Variants in LAMA3 observed in about 807,000 individuals in gnomAD.
The protein encoded by LAMA3 is laminin subunit alpha 3, also known as laminin subunit alpha-3.
Under a neutral mutation model 402.0 loss-of-function variants are expected in LAMA3, and 281 were observed. The ratio of observed to expected loss-of-function variants is 0.70; its 90% confidence interval spans 0.63 to 0.77. The LOEUF (loss-of-function observed/expected upper bound fraction) is 0.77, where lower values mean the gene tolerates loss of function less well. Among genes scored for constraint, LAMA3 ranks in the 30% least tolerant of loss-of-function variants. The probability of loss-of-function intolerance (pLI) is 0.00; values close to 1 mark genes in which losing one functional copy is unlikely to be tolerated. For missense variants in LAMA3, 3,840 were observed against 4,215.5 expected (o/e 0.91, Z 2.47); for synonymous variants, 1,431 against 1,558.4 (o/e 0.92, Z 1.93).
At chr18:23,882,073 A>G (rs745352241) in intron 40 of LAMA3, 28 bp downstream of exon 40, 2 of 1,518,478 alleles carry the variant, frequency 1.3e-6, no homozygotes, top group Middle Eastern at 1.7e-4. Context: ...CATAACCTAC[A>G]GGGACCCAAA....
intron 5 of LAMA3, among the ~76,000 whole-genome samples, chr18:23,753,412 A>G (rs558518172): frequency 3.0e-4 from 46 of 152,394 alleles, no homozygotes; most frequent in African/African-American, 9.9e-4. Flanking sequence ...TTTAATTTAC[A>G]TAAAAAATAA....
intron 44 of LAMA3, among the ~76,000 whole-genome samples, chr18:23,896,418 C>T (rs1291896559): frequency 6.6e-6 from 1 of 152,186 alleles, no homozygotes; most frequent in African/African-American, 2.4e-5. Flanking sequence ...TTCCAGATAA[C>T]TTTGTGTTAC....
At position 23,826,809 on chromosome 18, in the gene LAMA3, G is replaced by A. The variant is rs1327555227; in HGVS notation, c.2669+10G>A. 3 of 1,533,664 alleles carry A rather than the reference G, an allele frequency of 2.0e-6. No individual in the cohort carries two copies. The highest frequency in any genetic ancestry group is 8.9e-7 in the Non-Finnish European group (1 of 1,128,544). ...GACCTCCCCAAGAAAAGTCAGTGTG[G>A]GGCAGAAGGTGCAGCCGCATCATTG... On this transcript the variant is annotated intron_variant, in intron 22 of 74. Coordinates refer to ENST00000313654, the MANE Select transcript of LAMA3 (RefSeq NM_198129.4).
Position 23,842,436 on chromosome 18 carries a change from A to G in LAMA3, c.3378A>G (p.Arg1126=), listed in dbSNP as rs893373978. 1 of 1,613,868 alleles carries G rather than the reference A, an allele frequency of 6.2e-7. No individual in the cohort carries two copies. The highest frequency in any genetic ancestry group is 1.3e-5 in the African/African-American group (1 of 74,834). The part of the protein sequence containing the change: ...TLRGRVPHLG[R]YVFVIHFYQA... ...GAGGACGTGTACCACACCTGGGCCGATACGTCTTTGTCATCCATTTTTACC... is the reference window on the plus strand; with the variant it reads ...GAGGACGTGTACCACACCTGGGCCGGTACGTCTTTGTCATCCATTTTTACC... Residue 1126 remains arginine (R), a synonymous_variant, in exon 28 of 75, where the codon CGA becomes CGG. Transcript: ENST00000313654.
In LAMA3 at chr18:23,857,348, G is replaced by T. The variant is rs556363846; in HGVS notation, c.4137-496G>T. ...CATCTGCCCCAGCAGCACCATGCTT[G>T]TGTTGTTCCCTGTACACACTGAGTG... On this transcript the variant is annotated intron_variant, in intron 32 of 74. Transcript: ENST00000313654. Among the ~76,000 whole-genome samples the T allele has an allele frequency of 2.0e-5, 3 of 152,222 alleles. No individual in the cohort carries two copies. The South Asian group carries it at 6.2e-4, about 32-fold the overall frequency.
At chr18:23,702,297 G>A (rs1050847907) in intron 1 of LAMA3, among the ~76,000 whole-genome samples, 32 of 152,054 alleles carry the variant, frequency 2.1e-4, no homozygotes, top group African/African-American at 7.5e-4. Flanking sequence ...GAAGACTAAC[G>A]GCAAGCATCT....
rs1415898283 is a variant in LAMA3 at position 23,822,231 on chromosome 18, T to C, written c.2305-21T>C. 1.9e-6 allele frequency: 3 copies of C among 1,613,674 alleles called. No individual in the cohort carries two copies. The African/African-American group carries it at 4.0e-5, about 22-fold the overall frequency. ...TTTAACCATTTTTTTCTATGCTTTATGGCGTTTCGGTATTTTTCAGAATGA... is the reference window on the plus strand; with the variant it reads ...TTTAACCATTTTTTTCTATGCTTTACGGCGTTTCGGTATTTTTCAGAATGA... On this transcript the variant is annotated intron_variant, in intron 19 of 74. Transcript: ENST00000313654.
Position 23,839,701 on chromosome 18 carries a change from T to C in LAMA3, c.3192-84T>C. 6.8e-7 allele frequency: 1 copy of C among 1,463,252 alleles called. No homozygotes were observed. The highest frequency in any genetic ancestry group is 1.7e-5 in the Admixed American group (1 of 59,520). 90.6% of individuals were successfully genotyped at this position (1,463,252 alleles called of 1,614,324 possible). A position where few individuals can be genotyped will look rare whatever the true frequency, so the allele number is the denominator to read the frequency against. ...TTTTGATGCCCATGCAGTCCTATGC[T>C]CCAAGTCTGTCTCTTCACTGATGGT... On this transcript the variant is annotated intron_variant, in intron 26 of 74. Coordinates refer to ENST00000313654, the MANE Select transcript of LAMA3 (RefSeq NM_198129.4). The surrounding 1 kb of genome is among the most constrained non-coding windows in gnomAD (Gnocchi z 4.5).
chr18:23,738,439 CG>C (rs2061512951), intron 2 of LAMA3, among the ~76,000 whole-genome samples: 1 of 151,996 alleles, frequency 6.6e-6, no homozygotes, highest in Non-Finnish European at 1.5e-5. Context: ...GTAAAGGAAG[CG>C]GTTCCTTTTT....
intron 23 of LAMA3, among the ~76,000 whole-genome samples, chr18:23,829,217 G>C (rs2063447104): frequency 6.6e-6 from 1 of 152,196 alleles, no homozygotes; most frequent in African/African-American, 2.4e-5. Context: ...CCTTTTCAGA[G>C]TTTGGGGATT....
intron 42 of LAMA3, among the ~76,000 whole-genome samples, chr18:23,893,441 G>A (rs1599023044): frequency 6.6e-6 from 1 of 152,196 alleles, no homozygotes; most frequent in Non-Finnish European, 1.5e-5. Context: ...AAATTAGCCA[G>A]GCATGGTGGT....
At chr18:23,700,258 C>T (rs147068461) in intron 1 of LAMA3, among the ~76,000 whole-genome samples, 1,804 of 152,110 alleles carry the variant, frequency 0.012, 34 homozygotes, top group African/African-American at 0.042. Flanking sequence ...CTTTCTTGCA[C>T]GAGATCCAAG....
At chr18:23,753,648 G>A (rs543043880) in intron 5 of LAMA3, 73 bp from the exon 6 acceptor site, 2 of 1,085,418 alleles carry the variant, frequency 1.8e-6, no homozygotes, top group African/African-American at 1.6e-5. Context: ...AGCAGATGTG[G>A]GTTAAAGACT....
intron 2 of LAMA3, among the ~76,000 whole-genome samples, chr18:23,727,661 G>A (rs547749838): frequency 6.6e-6 from 1 of 152,062 alleles, no homozygotes; most frequent in East Asian, 1.9e-4. Context: ...AACAGTTCCT[G>A]GACCAGCACT....
At chr18:23,718,249 C>T (rs1341535546) in intron 2 of LAMA3, among the ~76,000 whole-genome samples, 1 of 152,070 alleles carries the variant, frequency 6.6e-6, no homozygotes, top group Non-Finnish European at 1.5e-5. Flanking sequence ...AGAATCCAAA[C>T]TCCAGAGTTC....
At chr18:23,694,141 CAT>C (rs1398276700) in intron 1 of LAMA3, among the ~76,000 whole-genome samples, 1 of 152,206 alleles carries the variant, frequency 6.6e-6, no homozygotes, top group African/African-American at 2.4e-5. Context: ...GTGTCAAAAA[CAT>C]ATTGTATTCC....
chr18:23,809,081 A>T (rs1250703773), intron 12 of LAMA3, among the ~76,000 whole-genome samples: 1 of 152,204 alleles, frequency 6.6e-6, no homozygotes, highest in Non-Finnish European at 1.5e-5. Flanking sequence ...CTCCCCAAGC[A>T]CTGGGGGACT....
At chr18:23,923,285 G>A (rs952124923) in intron 62 of LAMA3, among the ~76,000 whole-genome samples, 4 of 152,224 alleles carry the variant, frequency 2.6e-5, no homozygotes, top group African/African-American at 7.2e-5. Flanking sequence ...CTCTAGTGCA[G>A]GGCAGAGACT....
rs569621520 is a variant in LAMA3 at position 23,930,499 on chromosome 18, GCAC to G, written c.8437-561_8437-559del. Among the ~76,000 whole-genome samples the G allele has an allele frequency of 7.5e-3, 1,140 of 152,256 alleles. 13 individuals are homozygous for G. The highest frequency in any genetic ancestry group is 0.026 in the African/African-American group (1,089 of 41,530). The stretch of plus-strand genomic sequence containing the variant: ...ATGACGGCTCACACCTGTAATCCCA[GCAC>G]CTTGGGAGGCCAAGCCAGGAGTATC... On this transcript the variant is annotated intron_variant, in intron 64 of 74. Coordinates refer to ENST00000313654, the MANE Select transcript of LAMA3 (RefSeq NM_198129.4).
Sources: allele counts gnomAD v4.1 joint callset (sites outside exome capture counted in the v4.1 genomes callset), GRCh38; gene constraint gnomAD v4.1.1; non-coding constraint Gnocchi (gnomAD v3.1); transcripts MANE v1.5; gene names NCBI Gene and HGNC (gene_info 2026-07-23, HGNC 2026-07-21).